Variants in B4GALT7 observed in about 807,000 individuals in gnomAD.
The protein encoded by B4GALT7 is beta-1,4-galactosyltransferase 7.
In B4GALT7, 30 loss-of-function variants were observed where a neutral mutation model predicts 33.0. The observed-to-expected ratio is 0.91, with a 90% CI of 0.68 to 1.23. The LOEUF (loss-of-function observed/expected upper bound fraction) is 1.23. B4GALT7 is among the 50% of genes most tolerant of loss of function. The pLI, the probability that B4GALT7 is intolerant of heterozygous loss-of-function variation, is 0.00. For missense variants in B4GALT7, 507 were observed against 450.8 expected (o/e 1.12, Z -1.13); for synonymous variants, 213 against 187.2 (o/e 1.14, Z -1.13).
rs780268052 is a variant in B4GALT7 at position 177,608,597 on chromosome 5, G to A, written c.698G>A (p.Arg233Gln). 44 of 1,613,662 alleles carry A rather than the reference G, an allele frequency of 2.7e-5. No homozygotes were observed. The highest frequency in any genetic ancestry group is 1.6e-4 in the Middle Eastern group (1 of 6,084). The change falls in exon 4 of 6, where the codon CGG becomes CAG. Residue 233 changes from arginine to glutamine, a missense_variant. Transcript: ENST00000029410. The surrounding 1 kb of genome is among the most constrained non-coding windows in gnomAD (Gnocchi z 4.1). Reference sequence around the variant, plus strand: ...GGCCGCGAGGACGACGAGTTCTACCGGCGCATTAAGGGAGCTGGGCTCCAG... The same window carrying A: ...GGCCGCGAGGACGACGAGTTCTACCAGCGCATTAAGGGAGCTGGGCTCCAG... ...GWGREDDEFY[R>Q]RIKGAGLQLF...
At chr5:177,609,302 GGA>G (rs1768108885) in intron 5 of B4GALT7, among the ~76,000 whole-genome samples, 1 of 152,126 alleles carries the variant, frequency 6.6e-6, no homozygotes, top group African/African-American at 2.4e-5. Flanking sequence ...CGGGATGCAG[GGA>G]TCCCACCCTC....
chr5:177,607,302 G>A lies in B4GALT7; in HGVS notation c.414G>A (p.Arg138=). 1.9e-6 allele frequency: 3 copies of A among 1,605,024 alleles called. No individual in the cohort carries two copies. Among genetic ancestry groups the A allele is most frequent in the Non-Finnish European group, 2.6e-6 (3 of 1,175,982 alleles). ...GCCCAGCCTTGCCCACCCTGCACAG[G>A]TTCAACCGGGCAGCGCTCATCAACG... ...IYVLNQVDHF[R]FNRAALINVG... Residue 138 remains arginine (R), a splice_region_variant and synonymous_variant, in exon 3 of 6, where the codon AGG becomes AGA. Transcript: ENST00000029410.
chr5:177,607,083 G>A, intron 2 of B4GALT7: 1 of 617,892 alleles, frequency 1.6e-6, no homozygotes, highest in Non-Finnish European at 2.9e-6. Flanking sequence ...AACAGGGCCT[G>A]GTTTTTCACT....
chr5:177,601,512 G>A (rs1461639708), intron 1 of B4GALT7: 1 of 152,238 alleles, frequency 6.6e-6, no homozygotes, highest in Non-Finnish European at 1.5e-5. Flanking sequence ...AGGTAACAGA[G>A]GAGCATTTCT....
Position 177,608,189 on chromosome 5 carries a change from C to T in B4GALT7, c.640-350C>T, listed in dbSNP as rs13436425. Reference sequence around the variant, plus strand: ...AACCCTGCTACCCCTCTCACACACACAGGAAGAGATGAGGGCAGGGCCACC... The same window carrying T: ...AACCCTGCTACCCCTCTCACACACATAGGAAGAGATGAGGGCAGGGCCACC... On this transcript the variant is annotated intron_variant, in intron 3 of 5. Coordinates refer to ENST00000029410, the MANE Select transcript of B4GALT7 (RefSeq NM_007255.3). This position sits in a 1 kb window ranked among gnomAD's most constrained non-coding sequence, Gnocchi z 4.1. 318 of 347,986 alleles carry T rather than the reference C, an allele frequency of 9.1e-4. No individual in the cohort carries two copies. The highest frequency in any genetic ancestry group is 6.5e-3 in the African/African-American group (308 of 47,416). The allele number at this position is 347,986 out of a possible 1,614,324, so 21.6% of individuals were successfully genotyped here.
chr5:177,609,107 G>A lies in B4GALT7; in HGVS notation c.828+93G>A. The A allele has an allele frequency of 6.8e-6, 8 of 1,173,540 alleles. No individual in the cohort carries two copies. In the South Asian group the frequency reaches 1.0e-4, roughly 15 times the overall value. 72.7% of individuals were successfully genotyped at this position (1,173,540 alleles called of 1,614,324 possible). On this transcript the variant is annotated intron_variant, in intron 5 of 5. Coordinates refer to ENST00000029410, the MANE Select transcript of B4GALT7 (RefSeq NM_007255.3). Reference sequence around the variant, plus strand: ...CACCAAGTTCTCCTTGGCCCAAATGGTCCCATCCTCCCCTGCTTGGCCCAG... The same window carrying A: ...CACCAAGTTCTCCTTGGCCCAAATGATCCCATCCTCCCCTGCTTGGCCCAG...
In B4GALT7 at chr5:177,604,013, C is replaced by T; in HGVS notation, c.51-166C>T. On this transcript the variant is annotated intron_variant, in intron 1 of 5. Transcript: ENST00000029410. ...TAGAGAGGCAAGCAGGATTCGGATGCATGGTAGTGGCATGAGCAGAAACAT... is the reference window on the plus strand; with the variant it reads ...TAGAGAGGCAAGCAGGATTCGGATGTATGGTAGTGGCATGAGCAGAAACAT... 4 of 1,009,722 alleles carry T rather than the reference C, an allele frequency of 4.0e-6. No homozygotes were observed. In the Admixed American group the frequency reaches 8.5e-5, roughly 21 times the overall value. 62.5% of individuals were successfully genotyped at this position (1,009,722 alleles called of 1,614,324 possible). A position where few individuals can be genotyped will look rare whatever the true frequency, so the allele number is the denominator to read the frequency against.
At chr5:177,603,343 A>C (rs1290258849) in intron 1 of B4GALT7, 1 of 985,336 alleles carries the variant, frequency 1.0e-6, no homozygotes, top group Non-Finnish European at 1.2e-6. Flanking sequence ...AGGAACTTCC[A>C]GAGGAGCGGC....
chr5:177,600,158 C>G lies in B4GALT7; in HGVS notation c.-53C>G. 1.6e-6 allele frequency: 2 copies of G among 1,219,054 alleles called. No individual in the cohort carries two copies. Among genetic ancestry groups the G allele is most frequent in the East Asian group, 3.4e-5 (1 of 29,476 alleles). The allele number at this position is 1,219,054 out of a possible 1,614,324, so 75.5% of individuals were successfully genotyped here. On this transcript the variant is annotated 5_prime_UTR_variant, in exon 1 of 6. Transcript: ENST00000029410. The surrounding 1 kb of genome is among the most constrained non-coding windows in gnomAD (Gnocchi z 4.4). ...GAGGCGCCGCGTAGGCCCGGGAGGC[C>G]GGGCCGGCCGGGCTGCGAGCGCCTG... is the stretch of plus-strand genomic sequence containing the variant.
At chr5:177,601,688 C>G (rs1767855583) in intron 1 of B4GALT7, among the ~76,000 whole-genome samples, 1 of 152,188 alleles carries the variant, frequency 6.6e-6, no homozygotes. Flanking sequence ...CCGCCTTTTA[C>G]TAGTCTTGGG....
rs1187975583 is a variant in B4GALT7 at position 177,608,666 on chromosome 5, G to T, written c.723+44G>T. 1.3e-6 allele frequency: 2 copies of T among 1,564,256 alleles called. No homozygotes were observed. The highest frequency in any genetic ancestry group is 2.7e-5 in the African/African-American group (2 of 73,924). On this transcript the variant is annotated intron_variant, in intron 4 of 5. Coordinates refer to ENST00000029410, the MANE Select transcript of B4GALT7 (RefSeq NM_007255.3). This position sits in a 1 kb window ranked among gnomAD's most constrained non-coding sequence, Gnocchi z 4.1. ...CGCCGCCACCTCAGCTGCGGTGGCT[G>T]CCCTGAGATTTTCTTCTGTTTCCTC...
chr5:177,602,788 G>C (rs905259105), intron 1 of B4GALT7: 3 of 982,232 alleles, frequency 3.1e-6, no homozygotes, highest in Non-Finnish European at 3.6e-6. Flanking sequence ...GGCAAACAGA[G>C]GAGGGTCATT....
chr5:177,604,023 G>A lies in B4GALT7; in HGVS notation c.51-156G>A, dbSNP rs571560214. On this transcript the variant is annotated intron_variant, in intron 1 of 5. Transcript: ENST00000029410. ...AGCAGGATTCGGATGCATGGTAGTG[G>A]CATGAGCAGAAACATTAAAGTTGCT... The A allele has an allele frequency of 1.2e-4, 129 of 1,085,928 alleles. No homozygotes were observed. The African/African-American group carries it at 1.9e-3, about 16-fold the overall frequency. 67.3% of individuals were successfully genotyped at this position (1,085,928 alleles called of 1,614,324 possible). A position where few individuals can be genotyped will look rare whatever the true frequency, so the allele number is the denominator to read the frequency against.
chr5:177,603,215 G>A (rs965437874), intron 1 of B4GALT7: 10 of 985,352 alleles, frequency 1.0e-5, no homozygotes, highest in Non-Finnish European at 1.2e-5. Context: ...ATAGCTAATC[G>A]CTGACTCTTA....
chr5:177,607,317 GCTC>G lies in B4GALT7; in HGVS notation c.430_432del (p.Leu144del). 6.2e-7 allele frequency: 1 copy of G among 1,610,974 alleles called. No individual in the cohort carries two copies. The highest frequency in any genetic ancestry group is 8.5e-7 in the Non-Finnish European group (1 of 1,178,670). ...CCCTGCACAGGTTCAACCGGGCAGC[GCTC>G]ATCAACGTGGGCTTCCTGGAGAGCA... On this transcript the variant is annotated inframe_deletion, in exon 3 of 6. Transcript: ENST00000029410.
rs755949684 is a variant in B4GALT7 at position 177,609,590 on chromosome 5, T to C, written c.879T>C (p.His293=). The change falls in exon 6 of 6, where the codon CAT becomes CAC. Residue 293 remains histidine, a synonymous_variant. Transcript: ENST00000029410. The stretch of plus-strand genomic sequence containing the variant: ...GAGGCCTGAACACTGTGAAGTACCA[T>C]GTGGCTTCCCGCACTGCCCTGTCTG... ...REGGLNTVKY[H]VASRTALSVG... 67 of 1,613,826 alleles carry C rather than the reference T, an allele frequency of 4.2e-5. No homozygotes were observed. Among genetic ancestry groups the C allele is most frequent in the Non-Finnish European group, 5.4e-5 (64 of 1,180,040 alleles).
At chr5:177,607,774 C>A (rs775787208) in intron 3 of B4GALT7, 6 of 570,232 alleles carry the variant, frequency 1.1e-5, no homozygotes, top group African/African-American at 3.8e-5. Flanking sequence ...AGTGTAGGGG[C>A]GGTTCAGGTG....
intron 2 of B4GALT7, 36 bp from the exon 3 acceptor site, chr5:177,607,266 G>T: frequency 6.4e-7 from 1 of 1,552,932 alleles, no homozygotes; most frequent in Non-Finnish European, 8.7e-7. Flanking sequence ...GTGAGCCCGT[G>T]TGCTGCCCCT....
Position 177,608,326 on chromosome 5 carries a change from A to G in B4GALT7, c.640-213A>G, listed in dbSNP as rs968135230. On this transcript the variant is annotated intron_variant, in intron 3 of 5. Transcript: ENST00000029410. The surrounding 1 kb of genome is among the most constrained non-coding windows in gnomAD (Gnocchi z 4.1). ...GCAGCCAGCCGTTTTTGAGAAGGTGAGCCTCTCACACAGGTTCAAGGCCCC... is the reference window on the plus strand; with the variant it reads ...GCAGCCAGCCGTTTTTGAGAAGGTGGGCCTCTCACACAGGTTCAAGGCCCC... The G allele has an allele frequency of 1.0e-5, 6 of 576,426 alleles. No homozygotes were observed. In the Admixed American group the frequency reaches 1.2e-4, roughly 12 times the overall value. 35.7% of individuals were successfully genotyped at this position (576,426 alleles called of 1,614,324 possible).
Sources: gnomAD v4.1 joint callset for allele counts (sites outside exome capture counted in the v4.1 genomes callset) on GRCh38, gnomAD v4.1.1 for gene constraint, Gnocchi (gnomAD v3.1) non-coding constraint, MANE v1.5 for transcripts, NCBI Gene and HGNC (gene_info 2026-07-23, HGNC 2026-07-21) for gene names.